NELL1: variants seen among roughly 807,000 people sequenced by gnomAD.
NELL1 encodes the protein neural EGFL like 1.
Under a neutral mutation model 107.4 loss-of-function variants are expected in NELL1, and 76 were observed. The ratio of observed to expected loss-of-function variants is 0.71; its 90% CI spans 0.59 to 0.86. The LOEUF (loss-of-function observed/expected upper bound fraction) is 0.86. Among genes scored for constraint, NELL1 ranks in the 40% least tolerant of loss-of-function variants. The pLI, the probability that NELL1 is intolerant of heterozygous loss-of-function variation, is 0.00. For missense variants in NELL1, 1,024 were observed against 1,005.5 expected (o/e 1.02, Z -0.25); for synonymous variants, 353 against 341.2 (o/e 1.03, Z -0.38).
intron 15 of NELL1, among the ~76,000 whole-genome samples, chr11:21,402,344 T>C (rs1478951851): frequency 6.6e-6 from 1 of 151,788 alleles, no homozygotes; most frequent in African/African-American, 2.4e-5. Flanking sequence ...TAGGAAAACA[T>C]TGAAGATTTA....
chr11:20,817,247 T>C (rs76829676), intron 3 of NELL1, among the ~76,000 whole-genome samples: 2,541 of 152,222 alleles, frequency 0.017, 86 homozygotes, highest in African/African-American at 0.058. Flanking sequence ...TGGTAGAATT[T>C]GGCAGTAAGT....
chr11:21,059,780 A>G (rs529672722), intron 12 of NELL1, among the ~76,000 whole-genome samples: 3 of 152,280 alleles, frequency 2.0e-5, no homozygotes, highest in African/African-American at 7.2e-5. Flanking sequence ...TGCTACTGGA[A>G]TTAAGTAGAA....
intron 14 of NELL1, among the ~76,000 whole-genome samples, chr11:21,326,842 G>A (rs1850154414): frequency 6.6e-6 from 1 of 151,622 alleles, no homozygotes; most frequent in African/African-American, 2.4e-5. Context: ...TCTGTCTTAT[G>A]ATTGGATGGT....
intron 3 of NELL1, among the ~76,000 whole-genome samples, chr11:20,814,838 A>G (rs1857588413): frequency 6.6e-6 from 1 of 152,180 alleles, no homozygotes; most frequent in African/African-American, 2.4e-5. Flanking sequence ...TGCTGAGTCA[A>G]ATGGTAGTTC....
intron 15 of NELL1, among the ~76,000 whole-genome samples, chr11:21,421,702 A>T (rs577147096): frequency 2.0e-5 from 3 of 152,268 alleles, no homozygotes; most frequent in Admixed American, 6.5e-5. Flanking sequence ...AGCAGACGAG[A>T]GAGAAAAAGG....
intron 4 of NELL1, among the ~76,000 whole-genome samples, chr11:20,852,084 G>T (rs1346917912): frequency 1.3e-5 from 2 of 152,162 alleles, no homozygotes; most frequent in African/African-American, 4.8e-5. Flanking sequence ...TCCCTACCCT[G>T]TGTTAACCTC....
chr11:21,551,640 G>A (rs952313517), intron 16 of NELL1, among the ~76,000 whole-genome samples: 3 of 151,602 alleles, frequency 2.0e-5, no homozygotes, highest in African/African-American at 7.3e-5. Flanking sequence ...GCAAACAACA[G>A]GTGCTGGAAA....
At chr11:20,858,081 A>G (rs1848915807) in intron 4 of NELL1, among the ~76,000 whole-genome samples, 2 of 152,202 alleles carry the variant, frequency 1.3e-5, no homozygotes, top group African/African-American at 4.8e-5. Flanking sequence ...AGGCTGGGAC[A>G]GCACAGACAT....
In NELL1 at chr11:21,441,923, T is replaced by C. The variant is rs191365438; in HGVS notation, c.1645+70975T>C. Among the ~76,000 whole-genome samples, 540 of 152,284 alleles carry C rather than the reference T, an allele frequency of 3.5e-3. 2 individuals are homozygous for C. The highest frequency in any genetic ancestry group is 5.7e-3 in the Non-Finnish European group (391 of 68,008). ...TATTTACCCAAGAAATATTGATATG[T>C]TACTTTTATCATCCTCCAGATAGAT... On this transcript the variant is annotated intron_variant, in intron 15 of 19. Coordinates refer to ENST00000357134, the MANE Select transcript of NELL1 (RefSeq NM_006157.5).
At chr11:20,878,282 C>T (rs1343326077) in intron 4 of NELL1, among the ~76,000 whole-genome samples, 1 of 138,178 alleles carries the variant, frequency 7.2e-6, no homozygotes, top group Non-Finnish European at 1.5e-5. Context: ...TGGTGTGAAC[C>T]CGTGAGGTGG....
rs183509385 is a variant in NELL1 at position 21,066,999 on chromosome 11, A to G, written c.1301-46590A>G. ...TAAATAAATAAATAAATAAATAAAT[A>G]GAGTTCCTACCCTCTTGGAGTTACC... On this transcript the variant is annotated intron_variant, in intron 12 of 19. Coordinates refer to ENST00000357134, the MANE Select transcript of NELL1 (RefSeq NM_006157.5). Among the ~76,000 whole-genome samples the G allele has an allele frequency of 4.5e-3, 688 of 151,868 alleles. 8 individuals carry two copies. The highest frequency in any genetic ancestry group is 0.016 in the African/African-American group (649 of 41,344).
chr11:21,191,802 A>T (rs188870918), intron 13 of NELL1, among the ~76,000 whole-genome samples: 9 of 152,104 alleles, frequency 5.9e-5, no homozygotes, highest in Middle Eastern at 3.4e-3. Context: ...TGAGGACACG[A>T]GTAACTTCCT....
intron 14 of NELL1, among the ~76,000 whole-genome samples, chr11:21,315,802 C>G (rs1372620849): frequency 3.3e-5 from 5 of 152,054 alleles, no homozygotes; most frequent in South Asian, 4.2e-4. Context: ...AAACATATTG[C>G]AGAGCTTTAA....
In NELL1 at chr11:20,783,799, G is replaced by C; in HGVS notation, c.304G>C (p.Val102Leu). 6.2e-7 allele frequency: 1 copy of C among 1,613,912 alleles called. No homozygotes were observed. Among genetic ancestry groups the C allele is most frequent in the Non-Finnish European group, 8.5e-7 (1 of 1,179,928 alleles). The change falls in exon 3 of 20, where the codon GTG becomes CTG. Residue 102 changes from valine (V) to leucine (L), a missense_variant. Physicochemically the swap from Val to Leu is conservative, Grantham distance 32. Coordinates refer to ENST00000357134, the MANE Select transcript of NELL1 (RefSeq NM_006157.5). ...ACAGCAGAAGCCATCCACTTCAGGA[G>C]TGATACTGTCCATTCGAGAACTGGA... ...TVQQKPSTSG[V>L]ILSIRELEHS...
intron 3 of NELL1, among the ~76,000 whole-genome samples, chr11:20,807,516 T>A (rs546886626): frequency 2.3e-4 from 35 of 152,290 alleles, no homozygotes; most frequent in Non-Finnish European, 4.1e-4. Context: ...CAACACTGGG[T>A]CTTGCCCAAG....
chr11:21,325,378 C>A (rs917693400), intron 14 of NELL1, among the ~76,000 whole-genome samples: 3 of 151,996 alleles, frequency 2.0e-5, no homozygotes, highest in Non-Finnish European at 2.9e-5. Context: ...CTAAATAGAT[C>A]ATTGGAAACA....
chr11:21,228,452 A>T (rs1857950332), intron 13 of NELL1, among the ~76,000 whole-genome samples: 1 of 152,148 alleles, frequency 6.6e-6, no homozygotes, highest in Non-Finnish European at 1.5e-5. Context: ...ATGGAAAATT[A>T]AACTGCTGAA....
chr11:21,404,013 C>CT (rs1238455747), intron 15 of NELL1, among the ~76,000 whole-genome samples: 1 of 115,134 alleles, frequency 8.7e-6, no homozygotes, highest in Non-Finnish European at 1.9e-5. Flanking sequence ...GAACCCCCCC[C>CT]CCCGCAATCA....
intron 12 of NELL1, among the ~76,000 whole-genome samples, chr11:21,066,855 G>A (rs1181881566): frequency 4.6e-5 from 7 of 152,070 alleles, no homozygotes; most frequent in African/African-American, 1.7e-4. Flanking sequence ...TTGGGAGGCT[G>A]AGGCAGGAGG....
Sources: gnomAD v4.1 joint callset for allele counts (sites outside exome capture counted in the v4.1 genomes callset) on GRCh38, gnomAD v4.1.1 for gene constraint, MANE v1.5 for transcripts, NCBI Gene and HGNC (gene_info 2026-07-23, HGNC 2026-07-21) for gene names.